RAI1: variants seen among roughly 807,000 people sequenced by gnomAD.
RAI1 encodes retinoic acid-induced protein 1.
A neutral mutation model predicts 123.8 loss-of-function variants in RAI1; 9 were observed. That is an observed-to-expected ratio of 0.07 (90% CI 0.04 to 0.13). RAI1 has a LOEUF of 0.13. RAI1 is among the 10% of genes least tolerant of loss of function. The pLI is 1.00. For missense variants in RAI1, 2,256 were observed against 2,545.8 expected, an observed-to-expected ratio of 0.89 and a Z score of 2.45; for synonymous variants, 1,231 against 1,127.3, an observed-to-expected ratio of 1.09 and a Z score of -1.84.
At chr17:17,763,848 C>T (rs948606261) in intron 2 of RAI1, among the ~76,000 whole-genome samples, 3 of 152,228 alleles carry the variant, frequency 2.0e-5, no homozygotes, top group Non-Finnish European at 4.4e-5. Context: ...GGGTTTGACC[C>T]TCACTCATGC....
At chr17:17,746,634 C>G (rs373592320) in intron 2 of RAI1, among the ~76,000 whole-genome samples, 2 of 120,402 alleles carry the variant, frequency 1.7e-5, no homozygotes, top group African/African-American at 3.1e-5. Context: ...CTTTTCTTTT[C>G]TTTTTTTTTT....
Position 17,794,441 on chromosome 17 carries a change from C to T in RAI1, c.1493C>T (p.Ser498Leu), listed in dbSNP as rs1350289935. 3 of 1,612,782 alleles carry T rather than the reference C, an allele frequency of 1.9e-6. No homozygotes were observed. The highest frequency in any genetic ancestry group is 1.7e-5 in the Admixed American group (1 of 60,002). ...GCCGAGCCCGCAGGCACACCGCTGT[C>T]AGAGCCGCCGAGCAGCACGCCACAG... ...YSAEPAGTPL[S>L]EPPSSTPQST... The change falls in exon 3 of 6, where the codon TCA (serine) becomes TTA (leucine). Residue 498 changes from serine (S) to leucine (L), a missense_variant. Coordinates refer to ENST00000353383, the MANE Select transcript of RAI1 (RefSeq NM_030665.4).
chr17:17,785,297 A>G (rs2031789824), intron 2 of RAI1, among the ~76,000 whole-genome samples: 2 of 152,178 alleles, frequency 1.3e-5, no homozygotes, highest in South Asian at 4.1e-4. Context: ...TCTGGGTATC[A>G]TCCCTTTGGT....
chr17:17,750,040 G>A (rs1598052403), intron 2 of RAI1, among the ~76,000 whole-genome samples: 1 of 152,244 alleles, frequency 6.6e-6, no homozygotes, highest in African/African-American at 2.4e-5. Flanking sequence ...CAATGTGGCC[G>A]GGGCATGGTC....
At chr17:17,802,595 A>T (rs983212313) in intron 3 of RAI1, among the ~76,000 whole-genome samples, 2 of 151,954 alleles carry the variant, frequency 1.3e-5, no homozygotes, top group African/African-American at 4.8e-5. Flanking sequence ...GCTAACACGG[A>T]GAAACCCCGT....
At chr17:17,770,566 G>T (rs1186204560) in intron 2 of RAI1, among the ~76,000 whole-genome samples, 1 of 151,536 alleles carries the variant, frequency 6.6e-6, no homozygotes, top group Non-Finnish European at 1.5e-5. Flanking sequence ...GACCCTAGGG[G>T]CCTGGCCTGC....
chr17:17,692,617 G>C (rs1056849097), intron 1 of RAI1, among the ~76,000 whole-genome samples: 3 of 152,180 alleles, frequency 2.0e-5, no homozygotes, highest in East Asian at 1.9e-4. Flanking sequence ...TCATCCATTC[G>C]GGAGCTAATT....
chr17:17,737,808 C>CT (rs1018835719), intron 2 of RAI1, among the ~76,000 whole-genome samples: 41 of 152,200 alleles, frequency 2.7e-4, no homozygotes, highest in African/African-American at 9.7e-4. Context: ...CCACCTCCGC[C>CT]TACTCCAGAG....
Position 17,809,857 on chromosome 17 carries a change from G to T in RAI1, c.5710-113G>T. 6.9e-7 allele frequency: 1 copy of T among 1,456,414 alleles called. No homozygotes were observed. Among genetic ancestry groups the T allele is most frequent in the Non-Finnish European group, 9.4e-7 (1 of 1,066,448 alleles). 90.2% of individuals were successfully genotyped at this position (1,456,414 alleles called of 1,614,324 possible). Reference sequence around the variant, plus strand: ...GGCCTCGGGCGGAGACCCCAGCCGCGCTCTGGGGTCGCCTGGGTCTGGGGC... The same window carrying T: ...GGCCTCGGGCGGAGACCCCAGCCGCTCTCTGGGGTCGCCTGGGTCTGGGGC... On this transcript the variant is annotated intron_variant, in intron 5 of 5. Coordinates refer to ENST00000353383, the MANE Select transcript of RAI1 (RefSeq NM_030665.4). This position sits in a 1 kb window ranked among gnomAD's most constrained non-coding sequence, Gnocchi z 4.9.
Position 17,794,859 on chromosome 17 carries a change from C to T in RAI1, c.1911C>T (p.Ser637=). 6.2e-7 allele frequency: 1 copy of T among 1,613,300 alleles called. No homozygotes were observed. Among genetic ancestry groups the T allele is most frequent in the East Asian group, 2.2e-5 (1 of 44,872 alleles). ...CACCCAGCCTGGTCAAGGACAGCAG[C>T]AAGCCACCCTTCTCGCTGGAGAACC... ...AEAPSLVKDS[S]KPPFSLENHS... Residue 637 remains serine, a synonymous_variant, in exon 3 of 6, where the codon AGC becomes AGT. Coordinates refer to ENST00000353383, the MANE Select transcript of RAI1 (RefSeq NM_030665.4).
At chr17:17,805,356 A>G (rs2032576110) in intron 4 of RAI1, among the ~76,000 whole-genome samples, 1 of 151,328 alleles carries the variant, frequency 6.6e-6, no homozygotes. Context: ...CTCTCCCCAC[A>G]CGGTGCTGCC....
Position 17,798,461 on chromosome 17 carries a change from T to C in RAI1, c.5513T>C (p.Val1838Ala). ...CAVWTGGVYL[V>A]AGKLFGLQEA... ...GTGTGGACCGGCGGCGTCTACCTGG[T>C]GGCCGGGAAGCTCTTTGGGCTGCAG... The change falls in exon 3 of 6, where the codon GTG becomes GCG. Residue 1838 changes from valine to alanine, a missense_variant. Val to Ala is a moderately conservative substitution (Grantham distance 64, BLOSUM62 0). This residue lies in a region of RAI1 where 243 missense variants were observed against 316.6 expected (regional missense o/e 0.77). Transcript: ENST00000353383. 1 of 1,606,794 alleles carries C rather than the reference T, an allele frequency of 6.2e-7. No homozygotes were observed. Among genetic ancestry groups the C allele is most frequent in the Non-Finnish European group, 8.5e-7 (1 of 1,179,822 alleles).
chr17:17,739,058 G>T (rs1916531060), intron 2 of RAI1, among the ~76,000 whole-genome samples: 1 of 152,170 alleles, frequency 6.6e-6, no homozygotes, highest in Admixed American at 6.5e-5. Context: ...CTCCACCCCT[G>T]GGGAAGACAA....
At chr17:17,808,414 A>ATTATTTTATTTTATTTTATT (rs71155304) in intron 4 of RAI1, among the ~76,000 whole-genome samples, 5 of 125,900 alleles carry the variant, frequency 4.0e-5, no homozygotes, top group African/African-American at 1.3e-4. Flanking sequence ...ATTTTATTTT[A>ATTATTTTATTTTATTTTATT]TTATTTTATT....
chr17:17,805,707 G>T (rs2032582156), intron 4 of RAI1, among the ~76,000 whole-genome samples: 1 of 152,224 alleles, frequency 6.6e-6, no homozygotes, highest in Non-Finnish European at 1.5e-5. Context: ...ACCCAGCGGG[G>T]AAGGGGCTTG....
At chr17:17,782,612 C>A (rs1598077790) in intron 2 of RAI1, among the ~76,000 whole-genome samples, 1 of 60,528 alleles carries the variant, frequency 1.7e-5, no homozygotes, top group Admixed American at 2.6e-4. Context: ...GTTTGAGCCA[C>A]GGGGGCGGGG....
At chr17:17,780,474 C>T (rs1405202054) in intron 2 of RAI1, among the ~76,000 whole-genome samples, 1 of 151,980 alleles carries the variant, frequency 6.6e-6, no homozygotes, top group African/African-American at 2.4e-5. Flanking sequence ...CCTGTATTCA[C>T]CAAAGCCCCA....
At chr17:17,749,294 C>G (rs1456455239) in intron 2 of RAI1, among the ~76,000 whole-genome samples, 1 of 152,198 alleles carries the variant, frequency 6.6e-6, no homozygotes. Context: ...GTGGCAGGAG[C>G]CTTAATAGCA....
rs768478502 is a variant in RAI1 at position 17,794,003 on chromosome 17, G to A, written c.1055G>A (p.Arg352His). 5.6e-6 allele frequency: 9 copies of A among 1,613,788 alleles called. No individual in the cohort carries two copies. The highest frequency in any genetic ancestry group is 3.3e-5 in the Admixed American group (2 of 60,004). The change falls in exon 3 of 6, where the codon CGC becomes CAC. Residue 352 changes from arginine (R) to histidine (H), a missense_variant. By Grantham distance (29) the Arg-to-His change is conservative. Coordinates refer to ENST00000353383, the MANE Select transcript of RAI1 (RefSeq NM_030665.4). ...CACTCACCCGCCCGCTCCGTGGGCC[G>A]CTCACCTTCCTACAGTTCCACACCG... is the stretch of plus-strand genomic sequence containing the variant. ...SSHSPARSVG[R>H]SPSYSSTPSP... is the part of the protein sequence containing the mutation.
Sources: gnomAD v4.1 joint callset for allele counts (sites outside exome capture counted in the v4.1 genomes callset) on GRCh38, gnomAD v4.1.1 for gene constraint, gnomAD v4.1.1 regional missense constraint, Gnocchi (gnomAD v3.1) non-coding constraint, MANE v1.5 for transcripts, NCBI Gene and HGNC (gene_info 2026-07-23, HGNC 2026-07-21) for gene names.